Variants in ZNF718 observed in about 807,000 individuals in gnomAD.
ZNF718 encodes the protein zinc finger protein 718.
Under a neutral mutation model 2.6 loss-of-function variants are expected in ZNF718, and 3 were observed. The ratio of observed to expected loss-of-function variants is 1.16; its 90% CI spans 0.53 to 3.01. ZNF718 has a LOEUF of 3.01. Ranked by LOEUF, ZNF718 falls within the 30% of genes most tolerant of loss-of-function variation. ZNF718 has a pLI of 0.03. For missense variants in ZNF718, 468 were observed against 230.0 expected (o/e 2.03, Z -6.69); for synonymous variants, 135 against 77.9 (o/e 1.73, Z -3.86).
At chr4:195,330 A>T (rs1717770033) in intron 3 of ZNF718, among the ~76,000 whole-genome samples, 1 of 152,160 alleles carries the variant, frequency 6.6e-6, no homozygotes, top group South Asian at 2.1e-4. Flanking sequence ...TGCTTCCATA[A>T]GAGACTCCCT....
chr4:195,149 G>A (rs1717767304), intron 3 of ZNF718, among the ~76,000 whole-genome samples: 1 of 152,140 alleles, frequency 6.6e-6, no homozygotes, highest in Non-Finnish European at 1.5e-5. Flanking sequence ...CCATCAAGAT[G>A]CATCCCTATA....
intron 3 of ZNF718, among the ~76,000 whole-genome samples, chr4:170,009 T>C (rs1179029547): frequency 6.6e-6 from 1 of 152,106 alleles, no homozygotes. Flanking sequence ...CCATTTTTAG[T>C]GCTTCCTTCA....
downstream of ZNF718, among the ~76,000 whole-genome samples, chr4:165,347 C>T (rs1032342904): frequency 3.3e-5 from 5 of 152,062 alleles, no homozygotes; most frequent in African/African-American, 1.2e-4. Context: ...TTGTTTTTCT[C>T]TGTAAAAGAA....
rs1243959801 is a variant in ZNF718, at chr4:196,053, C to CCT, written c.227-5017_227-5016dup. On this transcript the variant is annotated intron_variant and NMD_transcript_variant, in intron 3 of 4. Coordinates refer to the ZNF718 transcript ENST00000642529. ...TCTCCCTCTCTCTCCCTCTCTTTTT[C>CCT]CTCTCTCTCTCTAACTTACTCAATT... Among the ~76,000 whole-genome samples, 9 of 151,398 alleles carry CCT rather than the reference C, an allele frequency of 5.9e-5. No homozygotes were observed. The East Asian group carries it at 1.4e-3, about 23-fold the overall frequency.
intron 1 of ZNF718, among the ~76,000 whole-genome samples, chr4:130,514 G>A (rs1715323188): frequency 9.7e-6 from 1 of 102,754 alleles, no homozygotes; most frequent in South Asian, 3.1e-4. Context: ...TTGGGAAGCC[G>A]AGGCAGGCGG....
chr4:158,195 C>T (rs1352867924), intron 3 of ZNF718, among the ~76,000 whole-genome samples: 1 of 151,916 alleles, frequency 6.6e-6, no homozygotes, highest in African/African-American at 2.4e-5. Context: ...ATAATTTTGA[C>T]CTCTTATTTG....
rs528203101 is a variant in ZNF718, at chr4:193,012, T to C, written c.227-8069T>C. ...GGTGAAGAATTTTAAGTAATTTCCA[T>C]TGGTTAGCTGCAGGCAAAAGTATTT... is the stretch of plus-strand genomic sequence containing the variant. On this transcript the variant is annotated intron_variant and NMD_transcript_variant, in intron 3 of 4. Transcript: ENST00000642529. Among the ~76,000 whole-genome samples the C allele has an allele frequency of 2.6e-5, 4 of 152,252 alleles. No individual in the cohort carries two copies. The East Asian group carries it at 7.7e-4, about 29-fold the overall frequency.
At chr4:157,763 T>C (rs1262192779) in intron 3 of ZNF718, among the ~76,000 whole-genome samples, 7 of 152,298 alleles carry the variant, frequency 4.6e-5, no homozygotes, top group Admixed American at 2.6e-4. Context: ...CGGTGGTTTA[T>C]CAAGAAGACT....
At chr4:137,636 T>C (rs1715628836) in intron 3 of ZNF718, among the ~76,000 whole-genome samples, 1 of 152,302 alleles carries the variant, frequency 6.6e-6, no homozygotes, top group Admixed American at 6.5e-5. Flanking sequence ...TGTGTGTATT[T>C]ATTCTTTGGA....
intron 3 of ZNF718, among the ~76,000 whole-genome samples, chr4:140,789 T>C (rs1715778833): frequency 6.6e-6 from 1 of 152,260 alleles, no homozygotes; most frequent in African/African-American, 2.4e-5. Flanking sequence ...GTCTACCAAA[T>C]TGGCTTATAA....
At chr4:138,577 C>G (rs1715676233) in intron 3 of ZNF718, among the ~76,000 whole-genome samples, 1 of 152,140 alleles carries the variant, frequency 6.6e-6, no homozygotes, top group Admixed American at 6.5e-5. Flanking sequence ...GTGAACACTG[C>G]TGCAGTGAAA....
intron 3 of ZNF718, among the ~76,000 whole-genome samples, chr4:193,000 A>G (rs961674414): frequency 3.3e-5 from 5 of 152,112 alleles, no homozygotes; most frequent in Non-Finnish European, 7.3e-5. Flanking sequence ...GAAGAATTTT[A>G]AGTAATTTCC....
chr4:148,469 C>T (rs1716165154), intron 3 of ZNF718, among the ~76,000 whole-genome samples: 1 of 151,986 alleles, frequency 6.6e-6, no homozygotes, highest in South Asian at 2.1e-4. Flanking sequence ...ATTTGCTGGG[C>T]ATGGTGGCGG....
chr4:189,568 G>A lies in ZNF718; in HGVS notation c.227-11513G>A, dbSNP rs377046748. ...ATAATAGTTTTTTATACAACACTAT[G>A]GCAAGGAAATAGTATTCTACTTCTT... On this transcript the variant is annotated intron_variant and NMD_transcript_variant, in intron 3 of 4. Transcript: ENST00000642529. Among the ~76,000 whole-genome samples the A allele has an allele frequency of 1.2e-4, 19 of 152,086 alleles. 1 individual carries two copies. In the East Asian group the frequency reaches 3.1e-3, roughly 25 times the overall value.
At chr4:125,331 G>C (rs1004615943) in intron 1 of ZNF718, 6 of 152,578 alleles carry the variant, frequency 3.9e-5, no homozygotes, top group African/African-American at 1.4e-4. Context: ...AACTTGAGGA[G>C]GGTGTGGGCG....
downstream of ZNF718, among the ~76,000 whole-genome samples, chr4:168,468 A>G (rs1213347222): frequency 3.9e-5 from 6 of 152,226 alleles, no homozygotes; most frequent in Admixed American, 1.3e-4. Context: ...TCGGCTGTGA[A>G]TCCATCTGGT....
At chr4:155,293 G>A (rs571643258) in intron 3 of ZNF718, among the ~76,000 whole-genome samples, 1 of 152,142 alleles carries the variant, frequency 6.6e-6, no homozygotes, top group Admixed American at 6.5e-5. Context: ...TGAGAAGCAG[G>A]CCACTGTCCT....
chr4:197,161 T>G (rs1392505796), intron 3 of ZNF718, among the ~76,000 whole-genome samples: 1 of 151,928 alleles, frequency 6.6e-6, no homozygotes, highest in Non-Finnish European at 1.5e-5. Flanking sequence ...GTGAGAGACT[T>G]GATTTGGGAG....
At chr4:143,378 G>A (rs1475982819) in intron 3 of ZNF718, among the ~76,000 whole-genome samples, 1 of 152,102 alleles carries the variant, frequency 6.6e-6, no homozygotes, top group Non-Finnish European at 1.5e-5. Flanking sequence ...AGTAGAGACG[G>A]GGTTTCACCA....
Sources: gnomAD v4.1 joint callset for allele counts (sites outside exome capture counted in the v4.1 genomes callset) on GRCh38, gnomAD v4.1.1 for gene constraint, MANE v1.5 for transcripts, NCBI Gene and HGNC (gene_info 2026-07-23, HGNC 2026-07-21) for gene names.